Variants in CRLF2 observed in about 807,000 individuals in gnomAD.
The protein encoded by CRLF2 is cytokine receptor-like factor 2.
CRLF2 carries 41 observed loss-of-function variants against 38.7 expected under a neutral mutation model. The ratio of observed to expected loss-of-function variants is 1.06; its 90% CI spans 0.83 to 1.37. The LOEUF (loss-of-function observed/expected upper bound fraction) is 1.37, where lower values mean the gene tolerates loss of function less well. CRLF2 is among the 40% of genes most tolerant of loss of function. The pLI, the probability that CRLF2 is intolerant of heterozygous loss-of-function variation, is 0.00. For missense variants in CRLF2, 377 were observed against 322.2 expected (o/e 1.17, Z -1.30); for synonymous variants, 140 against 128.8 (o/e 1.09, Z -0.59).
chrX:1,209,696 T>C lies in CRLF2; in HGVS notation c.80-788A>G, dbSNP rs139644516. 8.0e-3 allele frequency among the ~76,000 whole-genome samples: 1,219 copies of C among 152,248 alleles called. 6 individuals are homozygous for C. Among genetic ancestry groups the C allele is most frequent in the Non-Finnish European group, 0.014 (984 of 68,016 alleles). On this transcript the variant is annotated intron_variant, in intron 1 of 7. Transcript: ENST00000400841. ...AGTGCCATGCACAGATGTATCTGTA[T>C]AGATCAATCATGTATCCAACAACAC...
chrX:1,202,097 A>G (rs1451809603), intron 4 of CRLF2, among the ~76,000 whole-genome samples: 2 of 152,130 alleles, frequency 1.3e-5, no homozygotes, highest in Non-Finnish European at 2.9e-5. Context: ...TGATATAGAT[A>G]CATAGATAGA....
chrX:1,193,184 G>C (rs2086423417), intron 7 of CRLF2, 34 bp downstream of exon 7: 2 of 398,356 alleles, frequency 5.0e-6, no homozygotes, highest in Non-Finnish European at 4.4e-6. Context: ...CTGCTTGGTG[G>C]AGAGGAGAAG....
At chrX:1,191,279 C>T (rs1205943048) in intron 7 of CRLF2, 119 bp from the exon 8 acceptor site, 2 of 382,516 alleles carry the variant, frequency 5.2e-6, no homozygotes, top group Non-Finnish European at 9.1e-6. Context: ...TTCTTTCTCT[C>T]TCTTTCTTTT....
intron 3 of CRLF2, among the ~76,000 whole-genome samples, chrX:1,204,395 A>G (rs1308008005): frequency 2.6e-5 from 4 of 151,364 alleles, no homozygotes; most frequent in Admixed American, 6.6e-5. Flanking sequence ...AGCCCGGCTA[A>G]TTATGTATTT....
chrX:1,193,154 G>A (rs2086422845), intron 7 of CRLF2, 64 bp downstream of exon 7: 4 of 398,272 alleles, frequency 1.0e-5, no homozygotes, highest in Non-Finnish European at 1.8e-5. Flanking sequence ...AGAGAGATAG[G>A]AATGCAGGCA....
intron 3 of CRLF2, among the ~76,000 whole-genome samples, chrX:1,204,665 C>A (rs749966200): frequency 6.7e-6 from 1 of 150,034 alleles, no homozygotes. Context: ...GGATTACAAG[C>A]GTGTGCCACC....
chrX:1,205,575 T>C (rs1370962988), intron 3 of CRLF2, among the ~76,000 whole-genome samples: 2 of 152,044 alleles, frequency 1.3e-5, no homozygotes, highest in African/African-American at 2.4e-5. Context: ...CTGAAAAGCA[T>C]GTTGAGCTTG....
rs1427737394 is a variant in CRLF2 at position 1,208,814 on chromosome X, G to C, written c.174C>G (p.Phe58Leu). 6.2e-7 allele frequency: 1 copy of C among 1,604,602 alleles called. No homozygotes were observed. Among genetic ancestry groups the C allele is most frequent in the African/African-American group, 1.3e-5 (1 of 74,844 alleles). Residue 58 changes from phenylalanine (F) to leucine (L), a missense_variant, in exon 2 of 8, where the codon TTC (phenylalanine) becomes TTG (leucine). Physicochemically the swap from Phe to Leu is conservative, Grantham distance 22. Transcript: ENST00000400841. Reference protein sequence around the residue: ...ASKYSRTNLTFHYRFNGDEAY... With the variant: ...ASKYSRTNLTLHYRFNGDEAY... ...TTCTGGGGGCCACTTACCTGTAGTGGAAAGTCAGGTTGGTCCTGGAGTATT... is the reference window on the plus strand; with the variant it reads ...TTCTGGGGGCCACTTACCTGTAGTGCAAAGTCAGGTTGGTCCTGGAGTATT...
intron 5 of CRLF2, among the ~76,000 whole-genome samples, chrX:1,197,175 C>T (rs1297165096): frequency 6.7e-6 from 1 of 149,312 alleles, no homozygotes; most frequent in African/African-American, 2.5e-5. Flanking sequence ...TCACTGCAAC[C>T]TCCGTCTCCC....
At chrX:1,193,189 G>C (rs1317401938) in intron 7 of CRLF2, 29 bp downstream of exon 7, 1 of 398,372 alleles carries the variant, frequency 2.5e-6, no homozygotes, top group African/African-American at 2.1e-5. Flanking sequence ...TGGTGGAGAG[G>C]AGAAGAGACA....
At chrX:1,200,077 T>C (rs2086574270) in intron 4 of CRLF2, among the ~76,000 whole-genome samples, 1 of 148,626 alleles carries the variant, frequency 6.7e-6, no homozygotes, top group African/African-American at 2.5e-5. Flanking sequence ...TATATATGTG[T>C]ATATGTATTG....
chrX:1,204,768 C>A (rs1365678753), intron 3 of CRLF2, among the ~76,000 whole-genome samples: 1 of 151,014 alleles, frequency 6.6e-6, no homozygotes, highest in Non-Finnish European at 1.5e-5. Context: ...CTCAAGTGAT[C>A]CGCCCGCCTT....
At chrX:1,192,713 TTTCTTTCTTTCTTTCTTTCTTTCTTTC>T (rs1441883505) in intron 7 of CRLF2, among the ~76,000 whole-genome samples, 12 of 20,234 alleles carry the variant, frequency 5.9e-4, no homozygotes, top group Non-Finnish European at 9.7e-4. Context: ...TTTTCTTTTC[TTTCTTTCTTTCTTTCTTTCTTTCTTTC>T]TTTCTTTCTT....
chrX:1,209,716 C>A (rs1271334640), intron 1 of CRLF2, among the ~76,000 whole-genome samples: 4 of 152,142 alleles, frequency 2.6e-5, no homozygotes, highest in African/African-American at 9.7e-5. Context: ...ATGTATCCAA[C>A]AACACATCCC....
At chrX:1,200,859 A>ATG (rs1343410675) in intron 4 of CRLF2, among the ~76,000 whole-genome samples, 1 of 45,540 alleles carries the variant, frequency 2.2e-5, no homozygotes, top group African/African-American at 6.6e-5. Flanking sequence ...GTGTGTGTAT[A>ATG]TGTGTGTGTG....
At chrX:1,201,150 G>A (rs28880053) in intron 4 of CRLF2, among the ~76,000 whole-genome samples, 77,558 of 151,828 alleles carry the variant, frequency 0.51, 20,252 homozygotes, top group East Asian at 0.68. Context: ...GAAAAATATG[G>A]TATAGAAGAA....
At chrX:1,204,775 C>A (rs1253970825) in intron 3 of CRLF2, among the ~76,000 whole-genome samples, 1 of 150,312 alleles carries the variant, frequency 6.7e-6, no homozygotes, top group Non-Finnish European at 1.5e-5. Context: ...GATCCGCCCG[C>A]CTTGGTCTCC....
chrX:1,209,257 G>A (rs1463931836), intron 1 of CRLF2, among the ~76,000 whole-genome samples: 1 of 150,288 alleles, frequency 6.7e-6, no homozygotes, highest in South Asian at 2.1e-4. Flanking sequence ...GTGAGCCACC[G>A]CGCCTGACGT....
intron 2 of CRLF2, among the ~76,000 whole-genome samples, chrX:1,208,145 G>A (rs763085531): frequency 9.8e-5 from 15 of 152,290 alleles, no homozygotes; most frequent in Admixed American, 9.2e-4. Context: ...CCCCGGGTAA[G>A]GCTGTGAAAT....
Sources: gnomAD v4.1 joint callset for allele counts (sites outside exome capture counted in the v4.1 genomes callset) on GRCh38, gnomAD v4.1.1 for gene constraint, MANE v1.5 for transcripts, NCBI Gene and HGNC (gene_info 2026-07-23, HGNC 2026-07-21) for gene names.